The following SHROOM2 variants were observed in gnomAD, a reference collection of about 807,000 sequenced individuals.
The protein encoded by SHROOM2 is protein Shroom2.
A neutral mutation model predicts 75.9 loss-of-function variants in SHROOM2; 33 were observed. The observed-to-expected ratio is 0.43, with a 90% CI of 0.33 to 0.58. The LOEUF (loss-of-function observed/expected upper bound fraction) is 0.58. Ranked by LOEUF, SHROOM2 falls within the 20% of genes least tolerant of loss-of-function variation. The pLI, the probability that SHROOM2 is intolerant of heterozygous loss-of-function variation, is 0.04. For synonymous variants in SHROOM2, 655 were observed against 663.6 expected, an observed-to-expected ratio of 0.99 and a Z score of 0.20; for missense variants, 1,434 against 1,461.2, an observed-to-expected ratio of 0.98 and a Z score of 0.30.
intron 1 of SHROOM2, among the ~76,000 whole-genome samples, chrX:9,864,325 G>T (rs1440107142): frequency 9.0e-6 from 1 of 111,153 alleles, no homozygotes; most frequent in East Asian, 2.8e-4. Context: ...CAGGGTGCAT[G>T]CCTCTCTGAT....
chrX:9,886,081 A>T (rs1209959908), intron 2 of SHROOM2, among the ~76,000 whole-genome samples: 1 of 112,636 alleles, frequency 8.9e-6, no homozygotes, highest in Non-Finnish European at 1.9e-5. Context: ...TCATTGCCTC[A>T]TACAGCATTG....
chrX:9,932,634 G>T lies in SHROOM2; in HGVS notation c.3351G>T (p.Val1117=). The change falls in exon 6 of 10, where the codon GTG becomes GTT. Residue 1117 remains valine, a synonymous_variant. Coordinates refer to ENST00000380913, the MANE Select transcript of SHROOM2 (RefSeq NM_001649.4). ...ARLSLSHSPS[V]FSSAQPQDTP... ...TGTCCCTCTCCCACAGCCCCTCTGTGTTCAGCAGTGCCCAGCCCCAGGACA... is the reference window on the plus strand; with the variant it reads ...TGTCCCTCTCCCACAGCCCCTCTGTTTTCAGCAGTGCCCAGCCCCAGGACA... The T allele has an allele frequency of 8.3e-7, 1 of 1,210,952 alleles. No homozygotes were observed. Among genetic ancestry groups the T allele is most frequent in the Non-Finnish European group, 1.1e-6 (1 of 894,965 alleles).
chrX:9,885,012 C>A (rs1250219193), intron 2 of SHROOM2, among the ~76,000 whole-genome samples: 1 of 111,246 alleles, frequency 9.0e-6, no homozygotes, highest in Non-Finnish European at 1.9e-5. Flanking sequence ...GAGTTCAAGA[C>A]CAGCCTGGGT....
At chrX:9,873,509 C>A in intron 1 of SHROOM2, 143 bp from the exon 2 acceptor site, 2 of 617,173 alleles carry the variant, frequency 3.2e-6, no homozygotes, top group Non-Finnish European at 5.0e-6. Context: ...TAGTGCATCC[C>A]TGATCCCCTG....
chrX:9,849,921 G>T (rs1339392657), intron 1 of SHROOM2, among the ~76,000 whole-genome samples: 1 of 112,324 alleles, frequency 8.9e-6, no homozygotes, highest in Non-Finnish European at 1.9e-5. Flanking sequence ...GCCTGTTGCT[G>T]TACAGTTTTT....
At chrX:9,933,513 G>A (rs1602016322) in intron 6 of SHROOM2, among the ~76,000 whole-genome samples, 1 of 112,137 alleles carries the variant, frequency 8.9e-6, no homozygotes, top group East Asian at 2.8e-4. Flanking sequence ...GCTCACGCCT[G>A]TAATCCCAGC....
At chrX:9,871,354 C>G (rs1227658794) in intron 1 of SHROOM2, among the ~76,000 whole-genome samples, 3 of 111,970 alleles carry the variant, frequency 2.7e-5, no homozygotes, top group African/African-American at 9.7e-5. Flanking sequence ...TCCTGAGGCA[C>G]AGCCCTGGAA....
intron 1 of SHROOM2, among the ~76,000 whole-genome samples, chrX:9,802,771 G>A (rs575010388): frequency 4.5e-5 from 5 of 111,145 alleles, no homozygotes; most frequent in African/African-American, 1.6e-4. Context: ...ACACTGTTCT[G>A]AGCACCGTTA....
At chrX:9,789,949 CT>C (rs1372613872) in intron 1 of SHROOM2, among the ~76,000 whole-genome samples, 1 of 88,151 alleles carries the variant, frequency 1.1e-5, no homozygotes, top group East Asian at 3.3e-4. Flanking sequence ...GACAAGACTG[CT>C]GTGGTCTGGG....
At chrX:9,899,831 C>T (rs775797354) in intron 5 of SHROOM2, among the ~76,000 whole-genome samples, 37 of 112,615 alleles carry the variant, frequency 3.3e-4, no homozygotes, top group Non-Finnish European at 6.9e-4. Context: ...GTTTTCCAAG[C>T]CAGCTCCCAG....
In SHROOM2 at chrX:9,937,218, G is replaced by C. The variant is rs750332111; in HGVS notation, c.3672G>C (p.Glu1224Asp). The C allele has an allele frequency of 2.5e-6, 3 of 1,205,064 alleles. No homozygotes were observed. Among genetic ancestry groups the C allele is most frequent in the Non-Finnish European group, 3.4e-6 (3 of 892,234 alleles). Reference protein sequence around the residue: ...IVHSESQPEKESRQSLACPAE... With the variant: ...IVHSESQPEKDSRQSLACPAE... Reference sequence around the variant, plus strand: ...ACTCGGAGAGCCAGCCAGAGAAGGAGAGCCGCCAGAGCCTGGCATGCCCCG... The same window carrying C: ...ACTCGGAGAGCCAGCCAGAGAAGGACAGCCGCCAGAGCCTGGCATGCCCCG... Residue 1224 changes from glutamate (E) to aspartate (D), a missense_variant, in exon 7 of 10, where the codon GAG becomes GAC. Around this residue, in one of 3 missense-constraint regions of SHROOM2, gnomAD observed 1,340 missense variants for 1,338.3 expected, o/e 1.00. Coordinates refer to ENST00000380913, the MANE Select transcript of SHROOM2 (RefSeq NM_001649.4).
rs186204282 is a variant in SHROOM2 at position 9,818,806 on chromosome X, C to T, written c.165+32096C>T. 3.2e-4 allele frequency: 154 copies of T among 481,475 alleles called. No homozygotes were observed. In the African/African-American group the frequency reaches 3.2e-3, roughly 10 times the overall value. The allele number at this position is 481,475 out of a possible 1,213,427, so 39.7% of individuals were successfully genotyped here. A position where few individuals can be genotyped will look rare whatever the true frequency, so the allele number is the denominator to read the frequency against. ...CACAAAATCAAACAGGATGTTGGCC[C>T]GCTCCTCAACTGTTTTTTCCAAATC... On this transcript the variant is annotated intron_variant, in intron 1 of 9. Transcript: ENST00000380913.
At chrX:9,802,925 CTT>C (rs764750698) in intron 1 of SHROOM2, among the ~76,000 whole-genome samples, 27 of 86,680 alleles carry the variant, frequency 3.1e-4, no homozygotes, top group East Asian at 1.1e-3. Flanking sequence ...CTGCAGATTT[CTT>C]TTTTTTTTTT....
intron 8 of SHROOM2, among the ~76,000 whole-genome samples, 160 bp from the exon 9 acceptor site, chrX:9,944,481 G>A (rs1410439560): frequency 6.2e-5 from 7 of 112,086 alleles, no homozygotes; most frequent in East Asian, 5.6e-4. Flanking sequence ...TCCCTTAGTC[G>A]TATAAATCCC....
At chrX:9,943,871 C>T (rs773058652) in intron 8 of SHROOM2, among the ~76,000 whole-genome samples, 85 of 106,800 alleles carry the variant, frequency 8.0e-4, no homozygotes, top group Middle Eastern at 4.8e-3. Flanking sequence ...CTTTTTTTTT[C>T]TCTTTAGCAA....
chrX:9,915,172 C>A (rs1449353313), intron 5 of SHROOM2, among the ~76,000 whole-genome samples: 1 of 111,613 alleles, frequency 9.0e-6, no homozygotes, highest in African/African-American at 3.3e-5. Context: ...TTACCTTGAT[C>A]TTGAAGTTTA....
chrX:9,928,235 G>C (rs758928596), intron 5 of SHROOM2, among the ~76,000 whole-genome samples: 1 of 112,328 alleles, frequency 8.9e-6, no homozygotes, highest in East Asian at 2.8e-4. Context: ...GGAGCCTGCC[G>C]GCCCTCTCCC....
intron 1 of SHROOM2, among the ~76,000 whole-genome samples, chrX:9,831,172 A>G (rs894660309): frequency 1.8e-5 from 2 of 112,337 alleles, no homozygotes; most frequent in African/African-American, 3.2e-5. Context: ...TGGTTTGTCA[A>G]CATGGCACTA....
intron 1 of SHROOM2, among the ~76,000 whole-genome samples, chrX:9,860,426 G>A (rs1239336881): frequency 9.0e-6 from 1 of 111,299 alleles, no homozygotes; most frequent in African/African-American, 3.3e-5. Flanking sequence ...TCCCAGTCAT[G>A]TCAATATTTT....
Sources: allele counts gnomAD v4.1 joint callset (sites outside exome capture counted in the v4.1 genomes callset), GRCh38; gene constraint gnomAD v4.1.1; regional missense constraint gnomAD v4.1.1; transcripts MANE v1.5; gene names NCBI Gene and HGNC (gene_info 2026-07-23, HGNC 2026-07-21).